Variants in MED27 observed in about 807,000 individuals in gnomAD.
The protein encoded by MED27 is mediator complex subunit 27.
MED27 carries 30 observed loss-of-function variants against 38.2 expected under a neutral mutation model. The observed-to-expected ratio is 0.79, with a 90% CI of 0.59 to 1.07. The LOEUF (loss-of-function observed/expected upper bound fraction) is 1.07. Ranked by LOEUF, MED27 falls within the 50% of genes least tolerant of loss-of-function variation. The pLI is 0.00. For missense variants in MED27, 289 were observed against 397.5 expected, an observed-to-expected ratio of 0.73 and a Z score of 2.32; for synonymous variants, 122 against 153.5, an observed-to-expected ratio of 0.79 and a Z score of 1.52.
chr9:131,873,786 CTG>C (rs1184762373), intron 6 of MED27, among the ~76,000 whole-genome samples: 4 of 152,340 alleles, frequency 2.6e-5, no homozygotes, highest in African/African-American at 9.6e-5. Flanking sequence ...AGATCAAGCT[CTG>C]TGTCTGAGAG....
chr9:132,066,756 C>A, intron 2 of MED27, among the ~76,000 whole-genome samples: 1 of 152,194 alleles, frequency 6.6e-6, no homozygotes, highest in Non-Finnish European at 1.5e-5. Context: ...CCCCAGCTCC[C>A]CTCCCGCACA....
intron 5 of MED27, among the ~76,000 whole-genome samples, chr9:131,893,420 G>A (rs1418698959): frequency 6.6e-6 from 1 of 152,198 alleles, no homozygotes; most frequent in Non-Finnish European, 1.5e-5. Context: ...TTCAACAGCA[G>A]TATTCAATAT....
intron 6 of MED27, among the ~76,000 whole-genome samples, chr9:131,873,999 A>AC (rs1164736060): frequency 3.9e-5 from 6 of 151,978 alleles, no homozygotes; most frequent in Non-Finnish European, 8.8e-5. Context: ...GGGGTGATGT[A>AC]CCCCCGCTGG....
At chr9:131,979,174 C>G (rs950710395) in intron 3 of MED27, among the ~76,000 whole-genome samples, 2 of 152,038 alleles carry the variant, frequency 1.3e-5, no homozygotes, top group Middle Eastern at 3.2e-3. Flanking sequence ...CTTGGGAGCT[C>G]CCTGGACATT....
chr9:131,954,047 G>T (rs941780144), intron 3 of MED27, among the ~76,000 whole-genome samples: 1 of 151,994 alleles, frequency 6.6e-6, no homozygotes, highest in Non-Finnish European at 1.5e-5. Flanking sequence ...CAGATGATCC[G>T]CCCGCCTCAG....
At position 131,863,508 on chromosome 9, in the gene MED27, G is replaced by A. The variant is rs1457035458; in HGVS notation, c.724-368C>T. Among the ~76,000 whole-genome samples, 9 of 152,214 alleles carry A rather than the reference G, an allele frequency of 5.9e-5. No individual in the cohort carries two copies. In the South Asian group the frequency reaches 1.0e-3, roughly 17 times the overall value. On this transcript the variant is annotated intron_variant, in intron 6 of 7. Transcript: ENST00000292035. ...AAGGCGCGGCACACACAGCACATAC[G>A]ACAAGGAGCACTTCCGCCCGGTACG...
chr9:131,957,981 C>T lies in MED27; in HGVS notation c.480-18507G>A, dbSNP rs539694099. Among the ~76,000 whole-genome samples the T allele has an allele frequency of 1.9e-3, 283 of 151,480 alleles. 2 individuals are homozygous for T. The highest frequency in any genetic ancestry group is 6.5e-3 in the African/African-American group (267 of 41,288). On this transcript the variant is annotated intron_variant, in intron 3 of 7. Coordinates refer to ENST00000292035, the MANE Select transcript of MED27 (RefSeq NM_004269.4). ...GACCAGAGTCTGCCTGGAGTGCAGA[C>T]TGGGAGGGGGCAGATGACTGGGGTG...
intron 3 of MED27, among the ~76,000 whole-genome samples, chr9:131,962,158 GCATTGTGAA>G (rs1392150829): frequency 2.6e-5 from 4 of 152,326 alleles, no homozygotes; most frequent in Admixed American, 2.6e-4. Context: ...CTACTGATAA[GCATTGTGAA>G]CCAATAAACT....
At position 131,870,181 on chromosome 9, in the gene MED27, A is replaced by G. The variant is rs149197407; in HGVS notation, c.724-7041T>C. Among the ~76,000 whole-genome samples, 77 of 152,334 alleles carry G rather than the reference A, an allele frequency of 5.1e-4. 1 individual carries two copies. In the East Asian group the frequency reaches 0.011, roughly 23 times the overall value. ...CTAAACCCAGAGTGGCACTGCTTGC[A>G]ATAACAGCAACAACCCACATCGCCA... On this transcript the variant is annotated intron_variant, in intron 6 of 7. Coordinates refer to ENST00000292035, the MANE Select transcript of MED27 (RefSeq NM_004269.4).
intron 3 of MED27, among the ~76,000 whole-genome samples, chr9:131,961,654 A>G (rs916608691): frequency 6.6e-6 from 1 of 152,246 alleles, no homozygotes; most frequent in Non-Finnish European, 1.5e-5. Context: ...AGCAGGGCAC[A>G]GGACAGAACC....
chr9:131,910,291 T>C (rs1830164260), intron 4 of MED27, among the ~76,000 whole-genome samples: 2 of 152,226 alleles, frequency 1.3e-5, no homozygotes, highest in Admixed American at 1.3e-4. Flanking sequence ...ATTACTATTA[T>C]TACTGGATTC....
chr9:132,044,609 A>G (rs919740653), intron 2 of MED27, among the ~76,000 whole-genome samples: 25 of 152,346 alleles, frequency 1.6e-4, no homozygotes, highest in Middle Eastern at 3.4e-3. Context: ...GTGTAAGCTA[A>G]CTTTGTTTAT....
intron 4 of MED27, among the ~76,000 whole-genome samples, chr9:131,918,648 TC>T (rs1185488183): frequency 1.3e-5 from 2 of 152,238 alleles, no homozygotes; most frequent in African/African-American, 2.4e-5. Flanking sequence ...CATTTTTTTT[TC>T]AAGCTGCTCC....
chr9:131,958,476 G>A (rs1156298934), intron 3 of MED27, among the ~76,000 whole-genome samples: 3 of 152,186 alleles, frequency 2.0e-5, no homozygotes, highest in Non-Finnish European at 4.4e-5. Context: ...TCGAACTCCT[G>A]ACTTCGTGAT....
At chr9:131,967,315 C>G (rs897927821) in intron 3 of MED27, among the ~76,000 whole-genome samples, 1 of 152,162 alleles carries the variant, frequency 6.6e-6, no homozygotes, top group African/African-American at 2.4e-5. Flanking sequence ...AATGTATCCC[C>G]CATGACACCA....
intron 4 of MED27, among the ~76,000 whole-genome samples, chr9:131,895,201 C>A (rs976941903): frequency 6.6e-6 from 1 of 152,172 alleles, no homozygotes; most frequent in Non-Finnish European, 1.5e-5. Context: ...GAGGGGCTCA[C>A]GTAACTCTTC....
At chr9:131,960,874 GAAT>G (rs1475848590) in intron 3 of MED27, among the ~76,000 whole-genome samples, 2 of 152,278 alleles carry the variant, frequency 1.3e-5, no homozygotes, top group African/African-American at 4.8e-5. Flanking sequence ...CAGTCGATGA[GAAT>G]AATAAGACAG....
rs907865216 is a variant in MED27, at chr9:131,860,230, G to T, written c.*308C>A. 3.6e-6 allele frequency: 1 copy of T among 277,516 alleles called. No homozygotes were observed. The highest frequency in any genetic ancestry group is 2.2e-5 in the African/African-American group (1 of 45,744). 17.2% of individuals were successfully genotyped at this position (277,516 alleles called of 1,614,324 possible). ...CAAGGGCTCATTCCAGTAACAGCTCGCGGAGACGACAGACACCAGCACTGC... is the reference window on the plus strand; with the variant it reads ...CAAGGGCTCATTCCAGTAACAGCTCTCGGAGACGACAGACACCAGCACTGC... On this transcript the variant is annotated 3_prime_UTR_variant, in exon 8 of 8. Transcript: ENST00000292035. The surrounding 1 kb of genome is among the most constrained non-coding windows in gnomAD (Gnocchi z 5.8).
intron 3 of MED27, among the ~76,000 whole-genome samples, chr9:131,992,632 C>A (rs1296189651): frequency 6.6e-6 from 1 of 152,186 alleles, no homozygotes; most frequent in Non-Finnish European, 1.5e-5. Flanking sequence ...GAACTCCTGG[C>A]CTCAAGCAAT....
Sources: gnomAD v4.1 joint callset for allele counts (sites outside exome capture counted in the v4.1 genomes callset) on GRCh38, gnomAD v4.1.1 for gene constraint, Gnocchi (gnomAD v3.1) non-coding constraint, MANE v1.5 for transcripts, NCBI Gene and HGNC (gene_info 2026-07-23, HGNC 2026-07-21) for gene names.